SOCS2: variants seen among roughly 807,000 people sequenced by gnomAD.
The protein encoded by SOCS2 is CIS-2.
A neutral mutation model predicts 18.6 loss-of-function variants in SOCS2; 10 were observed. The ratio of observed to expected loss-of-function variants is 0.54; its 90% CI spans 0.33 to 0.91. SOCS2 has a LOEUF of 0.91. Among genes scored for constraint, SOCS2 ranks in the 40% least tolerant of loss-of-function variants. The pLI is 0.02. For missense variants in SOCS2, 231 were observed against 247.2 expected (o/e 0.93, Z 0.44); for synonymous variants, 104 against 104.0 (o/e 1.00, Z 0.00).
At chr12:93,601,497 C>T in the SOCS2 span, among the ~76,000 whole-genome samples, 2 of 151,982 alleles carry the variant, frequency 1.3e-5, no homozygotes, top group Non-Finnish European at 2.9e-5. Flanking sequence ...TTTGTAGAGA[C>T]TGGATTTCAC....
chr12:93,598,236 T>A, the SOCS2 span, among the ~76,000 whole-genome samples: 1 of 152,144 alleles, frequency 6.6e-6, no homozygotes, highest in African/African-American at 2.4e-5. Flanking sequence ...AACGTAAGGA[T>A]GAGTTTGGTT....
At chr12:93,570,722 G>T (rs377660426), upstream of SOCS2, 1 of 152,360 alleles carries the variant, frequency 6.6e-6, no homozygotes, top group African/African-American at 2.4e-5. Flanking sequence ...TGGCCGGGGA[G>T]ATCTCTAGCT....
the SOCS2 span, among the ~76,000 whole-genome samples, chr12:93,616,712 C>T: frequency 2.0e-5 from 3 of 152,098 alleles, no homozygotes; most frequent in African/African-American, 4.8e-5. Context: ...TGACGTGCTC[C>T]GGGGACAAGT....
the SOCS2 span, among the ~76,000 whole-genome samples, chr12:93,620,649 G>C: frequency 2.0e-5 from 3 of 152,114 alleles, no homozygotes; most frequent in East Asian, 5.8e-4. Context: ...CCTGACCTCA[G>C]GTGATCCACC....
chr12:93,622,732 G>A, the SOCS2 span, among the ~76,000 whole-genome samples: 4 of 152,062 alleles, frequency 2.6e-5, no homozygotes, highest in South Asian at 2.1e-4. Flanking sequence ...AGAGGGATGA[G>A]GCAAGGGGTA....
the SOCS2 span, among the ~76,000 whole-genome samples, chr12:93,614,610 T>C: frequency 7.7e-6 from 1 of 129,372 alleles, no homozygotes; most frequent in African/African-American, 3.2e-5. Context: ...TTTCTTTCTT[T>C]CTTTCTTTCT....
At chr12:93,602,065 A>G in the SOCS2 span, among the ~76,000 whole-genome samples, 1 of 152,324 alleles carries the variant, frequency 6.6e-6, no homozygotes, top group East Asian at 1.9e-4. Context: ...AGAAAAAACA[A>G]GAAAAAGAGA....
intron 1 of SOCS2, among the ~76,000 whole-genome samples, chr12:93,582,661 C>T (rs1954555819): frequency 6.6e-6 from 1 of 152,198 alleles, no homozygotes; most frequent in African/African-American, 2.4e-5. Context: ...ATTCTCTTCT[C>T]AGGAAAGCAA....
At chr12:93,612,621 TGTG>T in the SOCS2 span, among the ~76,000 whole-genome samples, 1 of 152,230 alleles carries the variant, frequency 6.6e-6, no homozygotes, top group Non-Finnish European at 1.5e-5. Flanking sequence ...GAACCCAACT[TGTG>T]CCATGGTACT....
chr12:93,604,574 AC>A, the SOCS2 span, among the ~76,000 whole-genome samples: 3 of 152,372 alleles, frequency 2.0e-5, no homozygotes, highest in African/African-American at 7.2e-5. Flanking sequence ...AGTTAGACTT[AC>A]ATTCGTAAAG....
At chr12:93,590,978 C>G in the SOCS2 span, among the ~76,000 whole-genome samples, 24 of 151,916 alleles carry the variant, frequency 1.6e-4, no homozygotes, top group Non-Finnish European at 3.1e-4. Flanking sequence ...TGGCTTTTCC[C>G]TTAACACTAA....
At chr12:93,615,642 C>G in the SOCS2 span, among the ~76,000 whole-genome samples, 130 of 152,350 alleles carry the variant, frequency 8.5e-4, no homozygotes, top group Non-Finnish European at 1.5e-3. Context: ...GTCACCCAGG[C>G]TGGAGTGCAG....
chr12:93,573,162 G>A, intron 1 of SOCS2, 126 bp downstream of exon 1: 3 of 1,256,246 alleles, frequency 2.4e-6, no homozygotes, highest in Middle Eastern at 3.8e-4. Flanking sequence ...CCAAGGGACC[G>A]CGGAGAGCAC....
downstream of SOCS2, among the ~76,000 whole-genome samples, chr12:93,587,390 A>G (rs1424326297): frequency 6.6e-6 from 1 of 151,818 alleles, no homozygotes; most frequent in Non-Finnish European, 1.5e-5. Context: ...GACTTAAAAA[A>G]TCAGTTGGTG....
downstream of SOCS2, among the ~76,000 whole-genome samples, chr12:93,579,527 G>A (rs144073968): frequency 6.8e-3 from 1,041 of 152,038 alleles, 6 homozygotes; most frequent in Non-Finnish European, 8.8e-3. Flanking sequence ...TCATTTGCAC[G>A]GAATAAAAAT....
chr12:93,607,091 G>T, the SOCS2 span, among the ~76,000 whole-genome samples: 2 of 152,142 alleles, frequency 1.3e-5, no homozygotes, highest in African/African-American at 4.8e-5. Context: ...CTGGCTTCTG[G>T]TTAGGCTAGA....
chr12:93,615,834 G>A, the SOCS2 span, among the ~76,000 whole-genome samples: 14 of 152,306 alleles, frequency 9.2e-5, no homozygotes, highest in South Asian at 2.9e-3. Context: ...GCCTTCAAGT[G>A]ATCCTCCCGC....
At chr12:93,606,387 ATCAGAAAAAGACTAGG>A in the SOCS2 span, among the ~76,000 whole-genome samples, 1 of 152,104 alleles carries the variant, frequency 6.6e-6, no homozygotes, top group Admixed American at 6.6e-5. Flanking sequence ...CATTCAACAC[ATCAGAAAAAGACTAGG>A]TCAAATGCTG....
At chr12:93,601,107 TC>T in the SOCS2 span, among the ~76,000 whole-genome samples, 5 of 22,402 alleles carry the variant, frequency 2.2e-4, no homozygotes, top group African/African-American at 7.5e-4. Flanking sequence ...TCTCTCTCTC[TC>T]TTTTTTTTTT....
Sources: gnomAD v4.1 joint callset for allele counts (sites outside exome capture counted in the v4.1 genomes callset) on GRCh38, gnomAD v4.1.1 for gene constraint, MANE v1.5 for transcripts, NCBI Gene and HGNC (gene_info 2026-07-23, HGNC 2026-07-21) for gene names.